LRRC28: variants seen among roughly 807,000 people sequenced by gnomAD.
LRRC28 encodes the protein leucine rich repeat containing 28.
In LRRC28, 39 loss-of-function variants were observed where a neutral mutation model predicts 45.7. That is an observed-to-expected ratio of 0.85 (90% confidence interval 0.66 to 1.12). The LOEUF is 1.12. Ranked by LOEUF, LRRC28 falls within the 50% of genes most tolerant of loss-of-function variation. LRRC28 has a pLI of 0.00. For missense variants in LRRC28, 435 were observed against 438.5 expected, an observed-to-expected ratio of 0.99 and a Z score of 0.07; for synonymous variants, 206 against 178.8, an observed-to-expected ratio of 1.15 and a Z score of -1.22.
intron 3 of LRRC28, among the ~76,000 whole-genome samples, chr15:99,276,900 G>A (rs1452652393): frequency 6.6e-6 from 1 of 152,122 alleles, no homozygotes; most frequent in Admixed American, 6.5e-5. Context: ...TTTCTGGATA[G>A]TCCATGTAAT....
intron 2 of LRRC28, among the ~76,000 whole-genome samples, chr15:99,261,089 G>A (rs1282838271): frequency 2.0e-5 from 3 of 152,120 alleles, no homozygotes; most frequent in East Asian, 1.9e-4. Context: ...CCCCTCAGTC[G>A]CTCAAAGCCG....
chr15:99,335,567 G>A lies in LRRC28; in HGVS notation c.592+1438G>A, dbSNP rs115542747. On this transcript the variant is annotated intron_variant, in intron 6 of 9. Transcript: ENST00000301981. ...AGCTACCCAGGAGGCTGAAGTGGAA[G>A]GATCACTTGAGCCCAGGAGTTTAAG... 3.4e-3 allele frequency among the ~76,000 whole-genome samples: 522 copies of A among 152,244 alleles called. 5 individuals carry two copies. Among genetic ancestry groups the A allele is most frequent in the African/African-American group, 0.012 (498 of 41,542 alleles).
intron 5 of LRRC28, among the ~76,000 whole-genome samples, chr15:99,318,811 A>T (rs1254660752): frequency 6.6e-6 from 1 of 151,996 alleles, no homozygotes; most frequent in African/African-American, 2.4e-5. Context: ...GATTTTTTTT[A>T]AACTAGATAA....
At chr15:99,371,797 C>T (rs892068083) in intron 9 of LRRC28, among the ~76,000 whole-genome samples, 1 of 152,218 alleles carries the variant, frequency 6.6e-6, no homozygotes, top group Non-Finnish European at 1.5e-5. Context: ...TTACAACATT[C>T]AAAAATTATT....
At chr15:99,335,518 A>T (rs1244301513) in intron 6 of LRRC28, among the ~76,000 whole-genome samples, 1 of 152,176 alleles carries the variant, frequency 6.6e-6, no homozygotes, top group Non-Finnish European at 1.5e-5. Flanking sequence ...TGAGCCAGGC[A>T]TGGTGATGCA....
chr15:99,337,660 CT>C (rs1567675284), intron 6 of LRRC28, among the ~76,000 whole-genome samples: 2 of 152,194 alleles, frequency 1.3e-5, no homozygotes. Context: ...TGTCAAAGAA[CT>C]TTAGAGGCAA....
intron 6 of LRRC28, among the ~76,000 whole-genome samples, chr15:99,345,031 G>A (rs1056248417): frequency 4.6e-5 from 7 of 152,168 alleles, no homozygotes; most frequent in African/African-American, 1.7e-4. Context: ...AACAGTAACT[G>A]CCATATATTG....
chr15:99,271,637 C>T (rs1313023221), intron 2 of LRRC28, among the ~76,000 whole-genome samples: 1 of 151,160 alleles, frequency 6.6e-6, no homozygotes, highest in Non-Finnish European at 1.5e-5. Context: ...CACTCTGTTG[C>T]CCAAGCTGGA....
intron 2 of LRRC28, among the ~76,000 whole-genome samples, chr15:99,275,281 C>G (rs963923316): frequency 6.6e-6 from 1 of 152,216 alleles, no homozygotes; most frequent in African/African-American, 2.4e-5. Context: ...ATGGAAAGGC[C>G]AGCCCTTTCA....
intron 2 of LRRC28, among the ~76,000 whole-genome samples, chr15:99,261,953 G>A (rs1352331332): frequency 3.3e-5 from 5 of 152,076 alleles, no homozygotes; most frequent in African/African-American, 7.2e-5. Context: ...CACTGTGCCC[G>A]GCTGGTCTCA....
intron 2 of LRRC28, among the ~76,000 whole-genome samples, chr15:99,260,397 A>T (rs1597154677): frequency 6.6e-6 from 1 of 152,248 alleles, no homozygotes; most frequent in Non-Finnish European, 1.5e-5. Context: ...TTATGGTAAT[A>T]CATTTTATTT....
At chr15:99,367,314 T>A (rs1002446019) in intron 9 of LRRC28, among the ~76,000 whole-genome samples, 1 of 152,190 alleles carries the variant, frequency 6.6e-6, no homozygotes, top group Non-Finnish European at 1.5e-5. Context: ...GGGTAATTTA[T>A]AAAGAAAAGA....
chr15:99,311,758 C>G (rs921038648), intron 5 of LRRC28, among the ~76,000 whole-genome samples: 3 of 152,086 alleles, frequency 2.0e-5, no homozygotes, highest in African/African-American at 7.2e-5. Flanking sequence ...ACCATCTGGC[C>G]CTTTACTGAA....
chr15:99,322,460 T>C (rs1955832089), intron 5 of LRRC28, among the ~76,000 whole-genome samples: 1 of 152,134 alleles, frequency 6.6e-6, no homozygotes, highest in African/African-American at 2.4e-5. Flanking sequence ...TTTTGGAATG[T>C]GGACTCTTAT....
intron 5 of LRRC28, 175 bp from the exon 6 acceptor site, chr15:99,333,744 ACACT>A: frequency 3.1e-6 from 2 of 650,782 alleles, no homozygotes; most frequent in South Asian, 4.0e-5. Context: ...TAATTTAAAA[ACACT>A]CACCTAGCTT....
chr15:99,338,734 A>G (rs767850287), intron 6 of LRRC28, among the ~76,000 whole-genome samples: 1 of 152,240 alleles, frequency 6.6e-6, no homozygotes, highest in Non-Finnish European at 1.5e-5. Flanking sequence ...AGCCTCTTCA[A>G]AAGGTAACTA....
intron 2 of LRRC28, chr15:99,258,911 G>T (rs558399578): frequency 9.7e-6 from 7 of 720,282 alleles, no homozygotes; most frequent in Non-Finnish European, 1.3e-5. Context: ...CCTGAATTTT[G>T]TCAAGGGTGT....
intron 5 of LRRC28, among the ~76,000 whole-genome samples, chr15:99,290,366 G>C (rs1296086949): frequency 6.6e-6 from 1 of 151,704 alleles, no homozygotes; most frequent in Non-Finnish European, 1.5e-5. Context: ...TCTAACTATA[G>C]TTAATATAAA....
At chr15:99,331,397 T>C (rs915240497) in intron 5 of LRRC28, among the ~76,000 whole-genome samples, 1 of 152,180 alleles carries the variant, frequency 6.6e-6, no homozygotes, top group African/African-American at 2.4e-5. Context: ...TTATTCCTAT[T>C]TTATTATTTT....
Sources: allele counts gnomAD v4.1 joint callset (sites outside exome capture counted in the v4.1 genomes callset), GRCh38; gene constraint gnomAD v4.1.1; transcripts MANE v1.5; gene names NCBI Gene and HGNC (gene_info 2026-07-23, HGNC 2026-07-21).